PLPPR1: variants seen among roughly 807,000 people sequenced by gnomAD.
The protein encoded by PLPPR1 is phospholipid phosphatase-related protein type 1.
PLPPR1 carries 10 observed loss-of-function variants against 33.1 expected under a neutral mutation model. The ratio of observed to expected loss-of-function variants is 0.30; its 90% CI spans 0.19 to 0.51. The LOEUF (loss-of-function observed/expected upper bound fraction) is 0.51, where lower values mean the gene tolerates loss of function less well. Among genes scored for constraint, PLPPR1 ranks in the 20% least tolerant of loss-of-function variants. PLPPR1 has a pLI of 0.97. For synonymous variants in PLPPR1, 151 were observed against 151.0 expected, an observed-to-expected ratio of 1.00 and a Z score of 0.00; for missense variants, 304 against 408.1, an observed-to-expected ratio of 0.74 and a Z score of 2.20.
intron 1 of PLPPR1, among the ~76,000 whole-genome samples, chr9:101,107,822 C>A (rs1257788502): frequency 6.7e-6 from 1 of 149,570 alleles, no homozygotes. Flanking sequence ...GTAGGACCCT[C>A]TCAGCCAGGT....
chr9:101,072,657 T>C (rs1267173303), intron 1 of PLPPR1, among the ~76,000 whole-genome samples: 1 of 152,164 alleles, frequency 6.6e-6, no homozygotes, highest in African/African-American at 2.4e-5. Context: ...GGGCATGGGA[T>C]GTAGGGTAGG....
intron 1 of PLPPR1, among the ~76,000 whole-genome samples, chr9:101,159,066 C>G (rs1322649123): frequency 7.2e-5 from 11 of 152,140 alleles, no homozygotes; most frequent in Admixed American, 7.2e-4. Context: ...AAACCTACCC[C>G]CATCTTACAT....
intron 2 of PLPPR1, among the ~76,000 whole-genome samples, chr9:101,211,656 C>T (rs906329361): frequency 2.6e-5 from 4 of 152,212 alleles, no homozygotes; most frequent in Admixed American, 6.5e-5. Flanking sequence ...CTTAAAGCAA[C>T]TCTGTCCCTC....
intron 1 of PLPPR1, among the ~76,000 whole-genome samples, chr9:101,142,589 A>G (rs1020640646): frequency 1.3e-5 from 2 of 152,178 alleles, no homozygotes; most frequent in Non-Finnish European, 2.9e-5. Flanking sequence ...TAGTTCTTCT[A>G]CATTCCCTAT....
At chr9:101,162,827 A>C (rs1340619765) in intron 1 of PLPPR1, among the ~76,000 whole-genome samples, 2 of 152,106 alleles carry the variant, frequency 1.3e-5, no homozygotes, top group Non-Finnish European at 2.9e-5. Flanking sequence ...CAGTTAATTA[A>C]GGCCTTCAGG....
At position 101,269,249 on chromosome 9, in the gene PLPPR1, C is replaced by T. The variant is rs144146937; in HGVS notation, c.64-631C>T. ...AAGGCTATATTTCTATAATAAGATA[C>T]GATCATCAGCAAAGTCCTTGACTTA... On this transcript the variant is annotated intron_variant, in intron 2 of 7. Coordinates refer to ENST00000374874, the MANE Select transcript of PLPPR1 (RefSeq NM_207299.2). Among the ~76,000 whole-genome samples the T allele has an allele frequency of 1.6e-4, 24 of 151,880 alleles. No individual in the cohort carries two copies. The East Asian group carries it at 4.3e-3, about 27-fold the overall frequency.
chr9:101,183,554 G>A (rs1006384986), intron 1 of PLPPR1, among the ~76,000 whole-genome samples: 1 of 151,584 alleles, frequency 6.6e-6, no homozygotes, highest in Non-Finnish European at 1.5e-5. Flanking sequence ...TCTTTTAGGG[G>A]TGATTAAAAA....
At chr9:101,255,857 T>C (rs1422602570) in intron 2 of PLPPR1, among the ~76,000 whole-genome samples, 2 of 152,184 alleles carry the variant, frequency 1.3e-5, no homozygotes, top group East Asian at 3.9e-4. Context: ...ATAGTGCATC[T>C]ATGTGAATGA....
intron 2 of PLPPR1, among the ~76,000 whole-genome samples, chr9:101,202,931 G>T (rs1373421057): frequency 2.0e-5 from 3 of 152,162 alleles, no homozygotes; most frequent in Non-Finnish European, 4.4e-5. Context: ...AAAATGGTGA[G>T]TACCAAGGGA....
chr9:101,145,933 T>C (rs1831516187), intron 1 of PLPPR1, among the ~76,000 whole-genome samples: 2 of 151,858 alleles, frequency 1.3e-5, no homozygotes, highest in Non-Finnish European at 2.9e-5. Context: ...GGAGGACCCC[T>C]TGAGCCCAGG....
chr9:101,119,351 A>AT (rs1389636740), intron 1 of PLPPR1, among the ~76,000 whole-genome samples: 1 of 152,116 alleles, frequency 6.6e-6, no homozygotes, highest in Non-Finnish European at 1.5e-5. Flanking sequence ...AGAGTAAGCC[A>AT]TTTCACACCG....
chr9:101,167,141 GGTGTGTGTGTGTGTGTGTGT>G (rs756843224), intron 1 of PLPPR1, among the ~76,000 whole-genome samples: 2 of 39,646 alleles, frequency 5.0e-5, no homozygotes, highest in Admixed American at 2.3e-4. Flanking sequence ...TATGTCTCTC[GGTGTGTGTGTGTGTGTGTGT>G]GTGTGTGTGT....
chr9:101,068,556 T>G (rs1017004973), intron 1 of PLPPR1, among the ~76,000 whole-genome samples: 6 of 151,964 alleles, frequency 3.9e-5, no homozygotes, highest in African/African-American at 1.4e-4. Flanking sequence ...AAACATTTGG[T>G]ATGGCTGAAA....
intron 2 of PLPPR1, among the ~76,000 whole-genome samples, chr9:101,237,833 A>ATG (rs1186828465): frequency 1.9e-3 from 197 of 103,986 alleles, no homozygotes; most frequent in African/African-American, 5.1e-3. Context: ...ATATATATAT[A>ATG]TATGCTATAT....
At chr9:101,272,058 A>G (rs1346196591) in intron 3 of PLPPR1, among the ~76,000 whole-genome samples, 2 of 146,176 alleles carry the variant, frequency 1.4e-5, no homozygotes, top group Non-Finnish European at 3.0e-5. Context: ...AAATGAAAAT[A>G]TAAACTTAAG....
At chr9:101,263,829 A>T (rs1208151221) in intron 2 of PLPPR1, among the ~76,000 whole-genome samples, 2 of 152,194 alleles carry the variant, frequency 1.3e-5, no homozygotes, top group African/African-American at 4.8e-5. Context: ...TAATTTACGT[A>T]AGGTGTTTAA....
chr9:101,227,672 G>T (rs1377812005), intron 2 of PLPPR1, among the ~76,000 whole-genome samples: 1 of 152,092 alleles, frequency 6.6e-6, no homozygotes, highest in African/African-American at 2.4e-5. Context: ...TCATTTTGAG[G>T]TTAAACAACC....
chr9:101,150,631 A>T (rs1320509801), intron 1 of PLPPR1, among the ~76,000 whole-genome samples: 1 of 152,164 alleles, frequency 6.6e-6, no homozygotes, highest in East Asian at 1.9e-4. Flanking sequence ...CAAAACCTCT[A>T]AGTCATAGTT....
intron 1 of PLPPR1, among the ~76,000 whole-genome samples, chr9:101,144,571 G>A (rs1361490198): frequency 6.6e-6 from 1 of 152,006 alleles, no homozygotes; most frequent in African/African-American, 2.4e-5. Flanking sequence ...CAAGGAGAGA[G>A]GTCTCAGAAA....
Sources: allele counts gnomAD v4.1 joint callset (sites outside exome capture counted in the v4.1 genomes callset), GRCh38; gene constraint gnomAD v4.1.1; transcripts MANE v1.5; gene names NCBI Gene and HGNC (gene_info 2026-07-23, HGNC 2026-07-21).